Variants in SLCO4A1 observed in about 807,000 individuals in gnomAD.
The protein encoded by SLCO4A1 is colon organic anion transporter.
In SLCO4A1, 51 loss-of-function variants were observed where a neutral mutation model predicts 64.6. That is an observed-to-expected ratio of 0.79 (90% CI 0.63 to 1.00). The LOEUF (loss-of-function observed/expected upper bound fraction) is 1.00. SLCO4A1 is among the 50% of genes least tolerant of loss of function. The pLI, the probability that SLCO4A1 is intolerant of heterozygous loss-of-function variation, is 0.00. For missense variants in SLCO4A1, 919 were observed against 980.5 expected (o/e 0.94, Z 0.84); for synonymous variants, 471 against 444.9 (o/e 1.06, Z -0.74).
chr20:62,690,174 T>C (rs894749923), downstream of SLCO4A1, among the ~76,000 whole-genome samples: 9 of 152,308 alleles, frequency 5.9e-5, no homozygotes, highest in South Asian at 1.9e-3. Context: ...GCTCCAGCGG[T>C]GCTTCCTGTG....
chr20:62,656,016 AC>A (rs1983645794), intron 1 of SLCO4A1, among the ~76,000 whole-genome samples: 1 of 152,060 alleles, frequency 6.6e-6, no homozygotes, highest in African/African-American at 2.4e-5. Context: ...TCCACTCTCC[AC>A]CGCGTGGCCC....
In SLCO4A1 at chr20:62,656,948, G is replaced by T. The variant is rs779474035; in HGVS notation, c.494G>T (p.Gly165Val). 1.9e-5 allele frequency: 30 copies of T among 1,564,010 alleles called. No individual in the cohort carries two copies. The Admixed American group carries it at 5.2e-4, about 27-fold the overall frequency. Residue 165 changes from glycine (G) to valine (V), a missense_variant, in exon 2 of 12, where the codon GGC (glycine) becomes GTC (valine). Coordinates refer to ENST00000217159, the MANE Select transcript of SLCO4A1 (RefSeq NM_016354.4). The stretch of plus-strand genomic sequence containing the variant: ...CTCACCTTCGTCAGCTACTTCGGGG[G>T]CTCAGGGCACAAGCCGCGCTGGCTG... ...LCLTFVSYFGGSGHKPRWLGW... is the reference protein window; with the variant it reads ...LCLTFVSYFGVSGHKPRWLGW...
At chr20:62,656,217 C>G (rs1168580286) in intron 1 of SLCO4A1, 142 bp from the exon 2 acceptor site, 2 of 516,186 alleles carry the variant, frequency 3.9e-6, no homozygotes, top group African/African-American at 3.8e-5. Context: ...GGCCAGACGC[C>G]ACCCTGGATT....
chr20:62,660,173 C>T (rs1342569024), intron 3 of SLCO4A1, among the ~76,000 whole-genome samples: 1 of 152,198 alleles, frequency 6.6e-6, no homozygotes, highest in African/African-American at 2.4e-5. Flanking sequence ...AGCCCTGGAG[C>T]GTGGGCCAAG....
intron 7 of SLCO4A1, 133 bp downstream of exon 7, chr20:62,666,708 GCAACACCCGCTCAGCA>G: frequency 2.6e-6 from 2 of 775,764 alleles, no homozygotes; most frequent in African/African-American, 1.7e-5. Context: ...AGCGGCAAGG[GCAACACCCGCTCAGCA>G]GGGCACCCGG....
chr20:62,681,448 A>G (rs73918620), intron 2 of SLCO4A1, among the ~76,000 whole-genome samples: 2 of 146,592 alleles, frequency 1.4e-5, no homozygotes, highest in African/African-American at 2.6e-5. Flanking sequence ...GTGTGTGTGT[A>G]TTAAGCCGTG....
intron 1 of SLCO4A1, among the ~76,000 whole-genome samples, chr20:62,652,422 G>A (rs911125365): frequency 8.5e-5 from 13 of 152,188 alleles, no homozygotes; most frequent in Admixed American, 5.9e-4. Context: ...GGCGGCCGGC[G>A]GCCGGTGGAG....
intron 2 of SLCO4A1, among the ~76,000 whole-genome samples, chr20:62,683,917 G>T (rs1987949682): frequency 7.3e-6 from 1 of 137,456 alleles, no homozygotes; most frequent in Non-Finnish European, 1.6e-5. Flanking sequence ...CTCACGCAAC[G>T]ATCTCACGTG....
rs539747075 is a variant in SLCO4A1, at chr20:62,643,545, T to A, written c.-97+992T>A. Among the ~76,000 whole-genome samples the A allele has an allele frequency of 2.9e-4, 44 of 152,374 alleles. No homozygotes were observed. In the South Asian group the frequency reaches 7.9e-3, roughly 27 times the overall value. On this transcript the variant is annotated intron_variant, in intron 1 of 11. Coordinates refer to ENST00000217159, the MANE Select transcript of SLCO4A1 (RefSeq NM_016354.4). ...GACCTGGCTATGCGTCCTGTTTCTG[T>A]CTGGAGGCGGCTGGAACGCGGTAGT...
intron 1 of SLCO4A1, among the ~76,000 whole-genome samples, chr20:62,647,249 G>T (rs947662815): frequency 3.9e-5 from 6 of 152,228 alleles, no homozygotes; most frequent in Non-Finnish European, 8.8e-5. Context: ...GGTGTCTTGG[G>T]GGGCTGGTGT....
intron 4 of SLCO4A1, 115 bp from the exon 5 acceptor site, chr20:62,660,949 C>G (rs946200478): frequency 4.2e-6 from 3 of 716,034 alleles, no homozygotes; most frequent in Admixed American, 4.9e-5. Flanking sequence ...GGATGTCAGA[C>G]AGTGACGTTC....
At chr20:62,649,018 T>C (rs1243310628) in intron 1 of SLCO4A1, 1 of 152,186 alleles carries the variant, frequency 6.6e-6, no homozygotes, top group Non-Finnish European at 1.5e-5. Context: ...ACCAACAGGA[T>C]AGGTGGAAAG....
chr20:62,668,875 C>G, intron 10 of SLCO4A1, 55 bp from the exon 11 acceptor site: 1 of 1,561,162 alleles, frequency 6.4e-7, no homozygotes, highest in Admixed American at 1.8e-5. Flanking sequence ...TGCCTGCCCC[C>G]TGCCTAGCCC....
At position 62,667,816 on chromosome 20, in the gene SLCO4A1, A is replaced by G; in HGVS notation, c.1544A>G (p.Tyr515Cys). The part of the protein sequence containing the change: ...NAACSCQPEH[Y>C]SPVCGSDGLM... ...GCCTGCAGCTGCCAGCCAGAACACT[A>G]CAGCCCTGTGTGCGGCTCGGACGGC... Residue 515 changes from tyrosine (Y) to cysteine (C), a missense_variant, in exon 8 of 12, where the codon TAC becomes TGC. Coordinates refer to ENST00000217159, the MANE Select transcript of SLCO4A1 (RefSeq NM_016354.4). 1 of 1,613,120 alleles carries G rather than the reference A, an allele frequency of 6.2e-7. No homozygotes were observed.
At position 62,671,782 on chromosome 20, in the gene SLCO4A1, C is replaced by A. The variant is rs766390648; in HGVS notation, c.2058C>A (p.Cys686Ter). 1 of 1,613,694 alleles carries A rather than the reference C, an allele frequency of 6.2e-7. No homozygotes were observed. Among genetic ancestry groups the A allele is most frequent in the Non-Finnish European group, 8.5e-7 (1 of 1,180,020 alleles). ...GCGTCCTCTTCTTTGCCATAGCCTG[C>A]TTCTTATACAAGCCCCTGTCGGAGT... ...VLGVLFFAIA[C>*]FLYKPLSESS... Residue 686 changes from cysteine (C) to a stop codon, truncating the protein, a stop_gained, in exon 12 of 12, where the codon TGC becomes TGA. Coordinates refer to ENST00000217159, the MANE Select transcript of SLCO4A1 (RefSeq NM_016354.4). LOFTEE classifies it low-confidence loss of function (END_TRUNC).
At chr20:62,652,980 A>G (rs998128908) in intron 1 of SLCO4A1, among the ~76,000 whole-genome samples, 1 of 152,192 alleles carries the variant, frequency 6.6e-6, no homozygotes, top group African/African-American at 2.4e-5. Context: ...CCTCATTGCC[A>G]CCGGCGGGCT....
downstream of SLCO4A1, among the ~76,000 whole-genome samples, chr20:62,690,098 C>T (rs1988180754): frequency 6.6e-6 from 1 of 152,232 alleles, no homozygotes; most frequent in South Asian, 2.1e-4. Flanking sequence ...GTGGATTCCC[C>T]AGCTGCATGG....
At chr20:62,686,143 C>A (rs1988053379), downstream of SLCO4A1, among the ~76,000 whole-genome samples, 1 of 152,174 alleles carries the variant, frequency 6.6e-6, no homozygotes, top group Non-Finnish European at 1.5e-5. Flanking sequence ...GTGCAGCCGC[C>A]CATGGAGACG....
chr20:62,663,895 C>T (rs1165011291), intron 5 of SLCO4A1, among the ~76,000 whole-genome samples: 4 of 152,234 alleles, frequency 2.6e-5, no homozygotes. Context: ...CCATGCAACA[C>T]GTTTTCCATC....
Sources: gnomAD v4.1 joint callset for allele counts (sites outside exome capture counted in the v4.1 genomes callset) on GRCh38, gnomAD v4.1.1 for gene constraint, MANE v1.5 for transcripts, NCBI Gene and HGNC (gene_info 2026-07-23, HGNC 2026-07-21) for gene names.